Variants in USP51 observed in about 807,000 individuals in gnomAD.
The protein encoded by USP51 is ubiquitin specific peptidase 51, also known as ubiquitin carboxyl-terminal hydrolase 51.
USP51 carries 5 observed loss-of-function variants against 17.6 expected under a neutral mutation model. The observed-to-expected ratio is 0.28, with a 90% CI of 0.15 to 0.60. USP51 has a LOEUF of 0.60. USP51 is among the 20% of genes least tolerant of loss of function. USP51 has a pLI of 0.88. For missense variants in USP51, 459 were observed against 559.5 expected (o/e 0.82, Z 1.81); for synonymous variants, 248 against 216.1 (o/e 1.15, Z -1.29).
intron 1 of USP51, among the ~76,000 whole-genome samples, 101 bp downstream of exon 1, chrX:55,489,675 C>A (rs1295909001): frequency 9.0e-6 from 1 of 111,631 alleles, no homozygotes; most frequent in Non-Finnish European, 1.9e-5. Flanking sequence ...CCTCTATGGC[C>A]ACCACTATCC....
At position 55,488,279 on chromosome X, in the gene USP51, T is replaced by C; in HGVS notation, c.661A>G (p.Ser221Gly). Residue 221 changes from serine to glycine, a missense_variant, in exon 3 of 3, where the codon AGT becomes GGT. By Grantham distance (56) the Ser-to-Gly change is moderately conservative. Coordinates refer to ENST00000500968, the MANE Select transcript of USP51 (RefSeq NM_201286.4). Reference protein sequence around the residue: ...LRLIYQRFVWSGTPETRKRKA... With the variant: ...LRLIYQRFVWGGTPETRKRKA... ...CGTTTCCTAGTCTCTGGGGTCCCAC[T>C]CCAAACGAAACGCTGGTAGATCAAC... is the stretch of plus-strand genomic sequence containing the variant. The C allele has an allele frequency of 8.3e-7, 1 of 1,212,048 alleles. No individual in the cohort carries two copies.
rs145305253 is a variant in USP51, at chrX:55,486,782, T to C, written c.*22A>G. 3,512 of 1,156,171 alleles carry C rather than the reference T, an allele frequency of 3.0e-3. 7 individuals carry two copies. The highest frequency in any genetic ancestry group is 3.5e-3 in the Non-Finnish European group (3,036 of 870,563). On this transcript the variant is annotated 3_prime_UTR_variant, in exon 3 of 3. Transcript: ENST00000500968. ...TCCTTGCCTAATCATTTACTTTTTT[T>C]TCAGTAAGTGGTCTGGTAAGACTAG...
At position 55,486,915 on chromosome X, in the gene USP51, G is replaced by T. The variant is rs112465088; in HGVS notation, c.2025C>A (p.Asp675Glu). The T allele has an allele frequency of 8.3e-7, 1 of 1,211,668 alleles. No individual in the cohort carries two copies. Among genetic ancestry groups the T allele is most frequent in the Non-Finnish European group, 1.1e-6 (1 of 895,499 alleles). The part of the protein sequence containing the change: ...HYTSFIRQQK[D>E]QWFSCDDAII... ...TGGCATCATCACAGCTGAACCACTGGTCCTTTTGTTGCCGGATGAAGCTGG... is the reference window on the plus strand; with the variant it reads ...TGGCATCATCACAGCTGAACCACTGTTCCTTTTGTTGCCGGATGAAGCTGG... The change falls in exon 3 of 3, where the codon GAC becomes GAA. Residue 675 changes from aspartate to glutamate, a missense_variant. Physicochemically the swap from Asp to Glu is conservative, Grantham distance 45. Coordinates refer to ENST00000500968, the MANE Select transcript of USP51 (RefSeq NM_201286.4).
rs776073246 is a variant in USP51 at position 55,488,679 on chromosome X, G to C, written c.261C>G (p.Ile87Met). ...AGGAGCTGCTGTGACAGCGAAGGGGGATTGAAGGGAGCACCTTCTCGTCGC... is the reference window on the plus strand; with the variant it reads ...AGGAGCTGCTGTGACAGCGAAGGGGCATTGAAGGGAGCACCTTCTCGTCGC... ...SGGDEKVLPS[I>M]PLRCHSSSSP... The change falls in exon 3 of 3, where the codon ATC becomes ATG. Residue 87 changes from isoleucine to methionine, a missense_variant. By Grantham distance (10) the Ile-to-Met change is conservative. Around this residue, in one of 2 missense-constraint regions of USP51, gnomAD observed 232 missense variants for 194.0 expected, o/e 1.20. Transcript: ENST00000500968. 8.3e-7 allele frequency: 1 copy of C among 1,198,417 alleles called. No homozygotes were observed. Among genetic ancestry groups the C allele is most frequent in the South Asian group, 1.8e-5 (1 of 56,363 alleles).
chrX:55,488,931 C>T lies in USP51; in HGVS notation c.9G>A (p.Gln3=). The change falls in exon 3 of 3, where the codon CAG becomes CAA. Residue 3 remains glutamine (Q), a synonymous_variant. Coordinates refer to ENST00000500968, the MANE Select transcript of USP51 (RefSeq NM_201286.4). ...CGGAGGGCAAAGAAGTTTCTCGAAC[C>T]TGGGCCATCAGATCACTCCCCGACC... MA[Q]VRETSLPSGS... 1 of 1,204,518 alleles carries T rather than the reference C, an allele frequency of 8.3e-7. No individual in the cohort carries two copies. The highest frequency in any genetic ancestry group is 1.1e-6 in the Non-Finnish European group (1 of 892,002).
rs2031292736 is a variant in USP51 at position 55,484,957 on chromosome X, A to G, written c.*1847T>C. The stretch of plus-strand genomic sequence containing the variant: ...GGGGCTCAGAGATGTAGGTAAGGCC[A>G]GGTAAGTAAGGGGTTCAGGGAACTA... On this transcript the variant is annotated 3_prime_UTR_variant, in exon 3 of 3. Transcript: ENST00000500968. 1 of 111,934 alleles carries G rather than the reference A, an allele frequency of 8.9e-6. No individual in the cohort carries two copies. Among genetic ancestry groups the G allele is most frequent in the Non-Finnish European group, 1.9e-5 (1 of 53,202 alleles). 9.2% of individuals were successfully genotyped at this position (111,934 alleles called of 1,213,427 possible).
chrX:55,487,101 G>A lies in USP51; in HGVS notation c.1839C>T (p.Ile613=), dbSNP rs777672308. The A allele has an allele frequency of 1.7e-6, 2 of 1,210,415 alleles. No individual in the cohort carries two copies. The highest frequency in any genetic ancestry group is 3.5e-5 in the African/African-American group (2 of 57,227). Reference sequence around the variant, plus strand: ...TCATGTCCAGCTCCAAGGGAAAGGAGATAAAGGTATTAATCTTTCGCCTCT... The same window carrying A: ...TCATGTCCAGCTCCAAGGGAAAGGAAATAAAGGTATTAATCTTTCGCCTCT... The part of the protein sequence containing the change: ...GKQRRKINTF[I]SFPLELDMTP... Residue 613 remains isoleucine (I), a synonymous_variant, in exon 3 of 3, where the codon ATC becomes ATT. Transcript: ENST00000500968.
chrX:55,487,512 G>A lies in USP51; in HGVS notation c.1428C>T (p.Asn476=). ...CTATGATGCAGTTACAGCAGTTGGGGTTATTGGCCTCCTGCCCACCACTAT... is the reference window on the plus strand; with the variant it reads ...CTATGATGCAGTTACAGCAGTTGGGATTATTGGCCTCCTGCCCACCACTAT... ...KDDSGGQEAN[N]PNCCNCIIDQ... Residue 476 remains asparagine (N), a synonymous_variant, in exon 3 of 3, where the codon AAC becomes AAT. Transcript: ENST00000500968. The A allele has an allele frequency of 8.3e-7, 1 of 1,211,913 alleles. No individual in the cohort carries two copies.
In USP51 at chrX:55,488,646, A is replaced by T. The variant is rs1423983823; in HGVS notation, c.294T>A (p.Val98=). ...GAGGGCGGGGCTTGCGGCGCGGGCA[A>T]ACGGGCGAGGAGCTGCTGTGACAGC... ...PLRCHSSSSP[V]CPRRKPRPRP... The change falls in exon 3 of 3, where the codon GTT becomes GTA. Residue 98 remains valine, a synonymous_variant. Transcript: ENST00000500968. 8.5e-7 allele frequency: 1 copy of T among 1,180,556 alleles called. No homozygotes were observed. The highest frequency in any genetic ancestry group is 1.1e-6 in the Non-Finnish European group (1 of 885,003).
Position 55,486,453 on chromosome X carries a change from C to T in USP51, c.*351G>A. ...TGAAGTTTTTGCTGATAAAGGAATA[C>T]TCCCTGACTTCACAAGATATTTCTG... On this transcript the variant is annotated 3_prime_UTR_variant, in exon 3 of 3. Transcript: ENST00000500968. 6.6e-6 allele frequency: 1 copy of T among 150,713 alleles called. No homozygotes were observed. 12.4% of individuals were successfully genotyped at this position (150,713 alleles called of 1,213,427 possible). A position where few individuals can be genotyped will look rare whatever the true frequency, so the allele number is the denominator to read the frequency against.
In USP51 at chrX:55,488,565, C is replaced by A; in HGVS notation, c.375G>T (p.Pro125=). ...RSQPGLSAPP[P]PPARPPPPPP... The stretch of plus-strand genomic sequence containing the variant: ...GCGGGGGCGGGGGCCGGGCTGGAGG[C>A]GGGGGTGGGGCCGAGAGCCCAGGCT... Residue 125 remains proline, a synonymous_variant, in exon 3 of 3, where the codon CCG becomes CCT. Transcript: ENST00000500968. 3 of 936,902 alleles carry A rather than the reference C, an allele frequency of 3.2e-6. No homozygotes were observed. Among genetic ancestry groups the A allele is most frequent in the South Asian group, 3.4e-5 (1 of 29,107 alleles). 77.2% of individuals were successfully genotyped at this position (936,902 alleles called of 1,213,427 possible). A position where few individuals can be genotyped will look rare whatever the true frequency, so the allele number is the denominator to read the frequency against.
At position 55,485,632 on chromosome X, in the gene USP51, CTTTTAA is replaced by C. The variant is rs1476956583; in HGVS notation, c.*1166_*1171del. On this transcript the variant is annotated 3_prime_UTR_variant, in exon 3 of 3. Coordinates refer to ENST00000500968, the MANE Select transcript of USP51 (RefSeq NM_201286.4). ...AAATAAAAAAATAGAACTTCTTAAACTTTTAATTTTAATAATTTTTTCTACTTGAAT... is the reference window on the plus strand; with the variant it reads ...AAATAAAAAAATAGAACTTCTTAAACTTTTAATAATTTTTTCTACTTGAAT... 1 of 110,378 alleles carries C rather than the reference CTTTTAA, an allele frequency of 9.1e-6. No homozygotes were observed. Among genetic ancestry groups the C allele is most frequent in the Admixed American group, 9.6e-5 (1 of 10,445 alleles). The allele number at this position is 110,378 out of a possible 1,213,427, so 9.1% of individuals were successfully genotyped here.
rs756546722 is a variant in USP51 at position 55,488,520 on chromosome X, G to A, written c.420C>T (p.Pro140=). 11 of 1,100,156 alleles carry A rather than the reference G, an allele frequency of 1.0e-5. No individual in the cohort carries two copies. The highest frequency in any genetic ancestry group is 2.5e-5 in the South Asian group (1 of 39,977). The allele number at this position is 1,100,156 out of a possible 1,213,427, so 90.7% of individuals were successfully genotyped here. A position where few individuals can be genotyped will look rare whatever the true frequency, so the allele number is the denominator to read the frequency against. ...PPPPPPPPPP[P]APRPRAWRGS... ...CACGCCAGGCCCTGGGCCGCGGTGC[G>A]GGTGGGGGCGGGGGTGGCGGCGGGG... Residue 140 remains proline (P), a synonymous_variant, in exon 3 of 3, where the codon CCC becomes CCT. Coordinates refer to ENST00000500968, the MANE Select transcript of USP51 (RefSeq NM_201286.4).
rs368715830 is a variant in USP51 at position 55,488,681 on chromosome X, T to C, written c.259A>G (p.Ile87Val). 33 of 1,196,867 alleles carry C rather than the reference T, an allele frequency of 2.8e-5. No homozygotes were observed. The highest frequency in any genetic ancestry group is 5.2e-5 in the African/African-American group (3 of 57,235). The change falls in exon 3 of 3, where the codon ATC (isoleucine) becomes GTC (valine). Residue 87 changes from isoleucine (I) to valine (V), a missense_variant. Around this residue, in one of 2 missense-constraint regions of USP51, gnomAD observed 232 missense variants for 194.0 expected, o/e 1.20. Transcript: ENST00000500968. ...SGGDEKVLPS[I>V]PLRCHSSSSP... ...GAGCTGCTGTGACAGCGAAGGGGGA[T>C]TGAAGGGAGCACCTTCTCGTCGCCG...
At position 55,486,762 on chromosome X, in the gene USP51, G is replaced by A; in HGVS notation, c.*42C>T. On this transcript the variant is annotated 3_prime_UTR_variant, in exon 3 of 3. Transcript: ENST00000500968. ...GTCTGTGTGTCACTTCAAAATCCTTGCCTAATCATTTACTTTTTTTTCAGT... is the reference window on the plus strand; with the variant it reads ...GTCTGTGTGTCACTTCAAAATCCTTACCTAATCATTTACTTTTTTTTCAGT... The A allele has an allele frequency of 2.6e-6, 3 of 1,153,634 alleles. No homozygotes were observed. The highest frequency in any genetic ancestry group is 3.5e-6 in the Non-Finnish European group (3 of 868,331).
chrX:55,487,962 T>G lies in USP51; in HGVS notation c.978A>C (p.Thr326=). Residue 326 remains threonine, a synonymous_variant, in exon 3 of 3, where the codon ACA becomes ACC. Transcript: ENST00000500968. ...TTGATTGCTTGTCTTCAAACCCTGA[T>G]GTCATAAACTGTTGATGAGAAACAT... ...STDVSHQQFM[T]SGFEDKQSTC... The G allele has an allele frequency of 8.4e-7, 1 of 1,194,522 alleles. No homozygotes were observed. The highest frequency in any genetic ancestry group is 1.7e-5 in the African/African-American group (1 of 57,267).
chrX:55,489,103 C>A, intron 2 of USP51, 66 bp downstream of exon 2: 1 of 692,040 alleles, frequency 1.4e-6, no homozygotes, highest in East Asian at 3.6e-5. Flanking sequence ...CAGCCCGCGG[C>A]TTCTGTCGGC....
rs773408850 is a variant in USP51, at chrX:55,488,876, C to A, written c.64G>T (p.Gly22Trp). The change falls in exon 3 of 3, where the codon GGG becomes TGG. Residue 22 changes from glycine to tryptophan, a missense_variant. This residue lies in a region of USP51 where 232 missense variants were observed against 194.0 expected (regional missense o/e 1.20). Transcript: ENST00000500968. ...GSGVRWISGG[G>W]GGASPEEAVE... ...GCCTCCTCAGGAGAGGCTCCTCCCC[C>A]ACCTCCGGAGATCCAGCGGACCCCA... The A allele has an allele frequency of 2.5e-6, 3 of 1,208,460 alleles. No homozygotes were observed. The highest frequency in any genetic ancestry group is 1.7e-5 in the African/African-American group (1 of 57,242).
Position 55,489,003 on chromosome X carries a change from A to G in USP51, c.-49-15T>C. ...AACAGCTGCGACTGTAGATGAAAGG[A>G]GACAGAGACTTCTGTGAATGATCTG... On this transcript the variant is annotated splice_polypyrimidine_tract_variant and intron_variant, in intron 2 of 2. Coordinates refer to ENST00000500968, the MANE Select transcript of USP51 (RefSeq NM_201286.4). The G allele has an allele frequency of 8.7e-7, 1 of 1,147,325 alleles. No homozygotes were observed. Among genetic ancestry groups the G allele is most frequent in the Non-Finnish European group, 1.2e-6 (1 of 857,242 alleles). 94.6% of individuals were successfully genotyped at this position (1,147,325 alleles called of 1,213,427 possible). A position where few individuals can be genotyped will look rare whatever the true frequency, so the allele number is the denominator to read the frequency against.
Sources: allele counts gnomAD v4.1 joint callset (sites outside exome capture counted in the v4.1 genomes callset), GRCh38; gene constraint gnomAD v4.1.1; regional missense constraint gnomAD v4.1.1; transcripts MANE v1.5; gene names NCBI Gene and HGNC (gene_info 2026-07-23, HGNC 2026-07-21).